Variants in MYO16 observed in about 807,000 individuals in gnomAD.
MYO16 encodes the protein unconventional myosin-XVI.
A neutral mutation model predicts 205.3 loss-of-function variants in MYO16; 94 were observed. That is an observed-to-expected ratio of 0.46 (90% confidence interval 0.39 to 0.54). MYO16 has a LOEUF of 0.54. Among genes scored for constraint, MYO16 ranks in the 20% least tolerant of loss-of-function variants. The pLI is 0.00. For missense variants in MYO16, 2,315 were observed against 2,387.5 expected, an observed-to-expected ratio of 0.97 and a Z score of 0.63; for synonymous variants, 988 against 954.0, an observed-to-expected ratio of 1.04 and a Z score of -0.66.
At chr13:108,843,990 C>A (rs907674230) in intron 9 of MYO16, among the ~76,000 whole-genome samples, 2 of 152,042 alleles carry the variant, frequency 1.3e-5, no homozygotes, top group Non-Finnish European at 2.9e-5. Flanking sequence ...TGTTTGCAAT[C>A]CATTTTTGCA....
chr13:108,902,212 C>T (rs1048774185), intron 15 of MYO16, among the ~76,000 whole-genome samples: 7 of 152,226 alleles, frequency 4.6e-5, no homozygotes, highest in Admixed American at 2.6e-4. Flanking sequence ...AACATCCTCA[C>T]GTCTGCCACG....
intron 20 of MYO16, among the ~76,000 whole-genome samples, chr13:108,969,398 A>G (rs933266887): frequency 6.6e-6 from 1 of 152,244 alleles, no homozygotes; most frequent in Non-Finnish European, 1.5e-5. Context: ...TGTTTAAACC[A>G]TTTGGAGAAC....
rs80113811 is a variant in MYO16, at chr13:109,024,943, C to T, written c.2796+5032C>T. 5.5e-4 allele frequency among the ~76,000 whole-genome samples: 83 copies of T among 152,232 alleles called. 2 individuals are homozygous for T. In the East Asian group the frequency reaches 0.016, roughly 29 times the overall value. On this transcript the variant is annotated intron_variant, in intron 23 of 34. Transcript: ENST00000457511. ...GCAACACATTCTGAATTTTATAAAT[C>T]AAGACACGTAGAAAAAGTTAACTGA...
intron 16 of MYO16, among the ~76,000 whole-genome samples, chr13:108,952,274 T>A (rs1883187259): frequency 6.6e-6 from 1 of 152,178 alleles, no homozygotes; most frequent in South Asian, 2.1e-4. Flanking sequence ...CTTTAGGAAT[T>A]GCTGACTTTC....
chr13:109,036,035 G>T (rs1266284329), intron 23 of MYO16, among the ~76,000 whole-genome samples: 1 of 152,190 alleles, frequency 6.6e-6, no homozygotes, highest in Non-Finnish European at 1.5e-5. Flanking sequence ...CCACATAGTA[G>T]GTGCTCACAT....
At chr13:108,671,586 C>T (rs1881990298) in intron 2 of MYO16, among the ~76,000 whole-genome samples, 1 of 152,136 alleles carries the variant, frequency 6.6e-6, no homozygotes. Flanking sequence ...GAATTTGTAA[C>T]AATTATTATA....
chr13:108,964,956 A>G, intron 20 of MYO16, 54 bp downstream of exon 20: 1 of 1,568,226 alleles, frequency 6.4e-7, no homozygotes, highest in South Asian at 1.2e-5. Context: ...AAATAACTTA[A>G]AGGCTCAACT....
In MYO16 at chr13:108,962,471, A is replaced by T; in HGVS notation, c.2203A>T (p.Thr735Ser). The T allele has an allele frequency of 6.3e-7, 1 of 1,592,354 alleles. No individual in the cohort carries two copies. Among genetic ancestry groups the T allele is most frequent in the Non-Finnish European group, 8.5e-7 (1 of 1,173,382 alleles). ...VSTDELASAL[T>S]TDIQYFKGDM... ...AACAGATGAATTGGCATCTGCCTTA[A>T]CAACTGATATTCAATATTTTAAAGG... Residue 735 changes from threonine (T) to serine (S), a missense_variant, in exon 19 of 35, where the codon ACA (threonine) becomes TCA (serine). Transcript: ENST00000457511.
At chr13:109,106,152 T>C (rs937088713) in intron 28 of MYO16, among the ~76,000 whole-genome samples, 4 of 152,244 alleles carry the variant, frequency 2.6e-5, no homozygotes, top group African/African-American at 7.2e-5. Flanking sequence ...GCAGCAGATA[T>C]AGTTTTCTTT....
chr13:108,815,190 AT>A (rs1875503681), intron 7 of MYO16, among the ~76,000 whole-genome samples: 1 of 152,222 alleles, frequency 6.6e-6, no homozygotes, highest in South Asian at 2.1e-4. Context: ...ACTCATTGAT[AT>A]GCAGTTGTCA....
At chr13:108,681,910 A>G (rs573767659) in intron 2 of MYO16, among the ~76,000 whole-genome samples, 77 of 152,204 alleles carry the variant, frequency 5.1e-4, no homozygotes, top group African/African-American at 1.8e-3. Context: ...TCTATGTTAT[A>G]CTCCATAAAC....
At chr13:108,636,224 A>G (rs571260927) in intron 1 of MYO16, among the ~76,000 whole-genome samples, 2 of 152,184 alleles carry the variant, frequency 1.3e-5, no homozygotes, top group Admixed American at 1.3e-4. Context: ...ATAACTTTTG[A>G]GATATGATAA....
intron 33 of MYO16, among the ~76,000 whole-genome samples, chr13:109,166,433 CAA>C (rs946587575): frequency 6.6e-6 from 1 of 151,954 alleles, no homozygotes; most frequent in African/African-American, 2.4e-5. Flanking sequence ...CAGATTGAAG[CAA>C]AAGGGAAGAA....
At chr13:108,606,920 A>G (rs553306485) in intron 1 of MYO16, among the ~76,000 whole-genome samples, 13 of 152,370 alleles carry the variant, frequency 8.5e-5, no homozygotes, top group African/African-American at 3.1e-4. Flanking sequence ...TATCTCTTGC[A>G]TAAGCATGAC....
At chr13:109,186,814 T>C (rs1879708423) in intron 34 of MYO16, among the ~76,000 whole-genome samples, 1 of 152,206 alleles carries the variant, frequency 6.6e-6, no homozygotes, top group African/African-American at 2.4e-5. Flanking sequence ...TTACAAGCCA[T>C]GCTACAATTA....
intron 28 of MYO16, among the ~76,000 whole-genome samples, chr13:109,110,346 A>T (rs1889247801): frequency 6.6e-6 from 1 of 152,224 alleles, no homozygotes; most frequent in Admixed American, 6.5e-5. Context: ...TAACGTATAG[A>T]ATTACATAGT....
chr13:109,056,669 G>A (rs1022507223), intron 27 of MYO16, among the ~76,000 whole-genome samples: 1 of 152,088 alleles, frequency 6.6e-6, no homozygotes, highest in Non-Finnish European at 1.5e-5. Flanking sequence ...ATTACAAAGT[G>A]TTACAGAAGC....
Position 109,125,496 on chromosome 13 carries a change from C to A in MYO16, c.3782+138C>A. 2.6e-6 allele frequency: 3 copies of A among 1,166,382 alleles called. No homozygotes were observed. The highest frequency in any genetic ancestry group is 2.4e-6 in the Non-Finnish European group (2 of 834,564). 72.3% of individuals were successfully genotyped at this position (1,166,382 alleles called of 1,614,324 possible). On this transcript the variant is annotated intron_variant, in intron 30 of 34. Transcript: ENST00000457511. This position sits in a 1 kb window ranked among gnomAD's most constrained non-coding sequence, Gnocchi z 4.0. ...GAACAGGCATGCGTGGTTTGTTATTCGAAATGGCAGCAGTCTAAAAAGATG... is the reference window on the plus strand; with the variant it reads ...GAACAGGCATGCGTGGTTTGTTATTAGAAATGGCAGCAGTCTAAAAAGATG...
intron 3 of MYO16, among the ~76,000 whole-genome samples, chr13:108,715,255 G>A (rs750175777): frequency 2.0e-5 from 3 of 152,166 alleles, no homozygotes; most frequent in Admixed American, 6.5e-5. Flanking sequence ...CCTCTCAGAT[G>A]TACACGGCTC....
Sources: gnomAD v4.1 joint callset for allele counts (sites outside exome capture counted in the v4.1 genomes callset) on GRCh38, gnomAD v4.1.1 for gene constraint, Gnocchi (gnomAD v3.1) non-coding constraint, MANE v1.5 for transcripts, NCBI Gene and HGNC (gene_info 2026-07-23, HGNC 2026-07-21) for gene names.